CINP: variants seen among roughly 807,000 people sequenced by gnomAD.
CINP encodes the protein cyclin dependent kinase 2 interacting protein.
Under a neutral mutation model 20.5 loss-of-function variants are expected in CINP, and 11 were observed. The observed-to-expected ratio is 0.54, with a 90% CI of 0.34 to 0.89. CINP has a LOEUF of 0.89. Ranked by LOEUF, CINP falls within the 40% of genes least tolerant of loss-of-function variation. The pLI, the probability that CINP is intolerant of heterozygous loss-of-function variation, is 0.02. For synonymous variants in CINP, 108 were observed against 102.1 expected, an observed-to-expected ratio of 1.06 and a Z score of -0.35; for missense variants, 213 against 251.0, an observed-to-expected ratio of 0.85 and a Z score of 1.02.
intron 2 of CINP, 94 bp from the exon 3 acceptor site, chr14:102,355,991 G>C (rs1886991480): frequency 7.8e-7 from 1 of 1,288,568 alleles, no homozygotes; most frequent in Non-Finnish European, 1.1e-6. Flanking sequence ...TATCCACATA[G>C]TTACGTGGGA....
rs1887083606 is a variant in CINP, at chr14:102,359,471, C to T, written c.124G>A (p.Asp42Asn). Reference protein sequence around the residue: ...NLILKWETLNDAGFTTANNIA... With the variant: ...NLILKWETLNNAGFTTANNIA... ...TTATTTGCAGTGGTAAAACCTGCATCATTGAGGGTTTCCCACTTCAGGATT... is the reference window on the plus strand; with the variant it reads ...TTATTTGCAGTGGTAAAACCTGCATTATTGAGGGTTTCCCACTTCAGGATT... Residue 42 changes from aspartate (D) to asparagine (N), a missense_variant, in exon 2 of 5, where the codon GAT (aspartate) becomes AAT (asparagine). Coordinates refer to ENST00000216756, the MANE Select transcript of CINP (RefSeq NM_032630.3). The T allele has an allele frequency of 6.2e-7, 1 of 1,611,696 alleles. No individual in the cohort carries two copies. Among genetic ancestry groups the T allele is most frequent in the Non-Finnish European group, 8.5e-7 (1 of 1,178,714 alleles).
chr14:102,351,689 C>A lies in CINP; in HGVS notation c.307-1641G>T, dbSNP rs548097568. ...AGTGGCAAGCACTAAATTCAGCTAA[C>A]GTTAATTTTTAAAGGACTTTACTTA... On this transcript the variant is annotated intron_variant, in intron 3 of 4. Transcript: ENST00000216756. The surrounding 1 kb of genome is among the most constrained non-coding windows in gnomAD (Gnocchi z 4.2). Among the ~76,000 whole-genome samples, 13 of 152,136 alleles carry A rather than the reference C, an allele frequency of 8.5e-5. No individual in the cohort carries two copies. Among genetic ancestry groups the A allele is most frequent in the African/African-American group, 2.9e-4 (12 of 41,412 alleles).
intron 1 of CINP, chr14:102,362,513 G>C: frequency 4.3e-6 from 3 of 700,490 alleles, no homozygotes; most frequent in Non-Finnish European, 2.6e-6. Flanking sequence ...GACGAGATGA[G>C]CATGCAAGGC....
At chr14:102,359,324 T>C in intron 2 of CINP, 95 bp downstream of exon 2, 1 of 914,992 alleles carries the variant, frequency 1.1e-6, no homozygotes. Flanking sequence ...CACTTGCTTT[T>C]TTTGCTTAAT....
At position 102,348,678 on chromosome 14, in the gene CINP, G is replaced by A; in HGVS notation, c.518C>T (p.Thr173Ile). ...GCTCAGGGTGAGGTCGGGATCCCCG[G>A]TGTGGGCAAGCTCCTTGGCCACCGT... The part of the protein sequence containing the change: ...KRTVAKELAH[T>I]GDPDLTLSYL... The change falls in exon 5 of 5, where the codon ACC (threonine) becomes ATC (isoleucine). Residue 173 changes from threonine to isoleucine, a missense_variant. Transcript: ENST00000216756. 1 of 1,614,046 alleles carries A rather than the reference G, an allele frequency of 6.2e-7. No individual in the cohort carries two copies. The highest frequency in any genetic ancestry group is 8.5e-7 in the Non-Finnish European group (1 of 1,179,964).
chr14:102,362,587 G>A (rs1237014219), intron 1 of CINP: 1 of 706,216 alleles, frequency 1.4e-6, no homozygotes, highest in East Asian at 2.7e-5. Context: ...TTGGATGTCG[G>A]ATCTGCTGAC....
At position 102,348,743 on chromosome 14, in the gene CINP, C is replaced by T; in HGVS notation, c.453G>A (p.Lys151=). ...PTTHFYEVSH[K]LLEMYRKELL... is the part of the protein sequence containing the mutation. ...GCTCCTTCCTGTACATCTCCAAGAG[C>T]TTATGCGAAACCTCATCTGAAAGAA... The change falls in exon 5 of 5, where the codon AAG becomes AAA. Residue 151 remains lysine (K), a synonymous_variant. Coordinates refer to ENST00000216756, the MANE Select transcript of CINP (RefSeq NM_032630.3). The T allele has an allele frequency of 6.2e-7, 1 of 1,613,578 alleles. No individual in the cohort carries two copies. The highest frequency in any genetic ancestry group is 8.5e-7 in the Non-Finnish European group (1 of 1,179,768).
At chr14:102,359,240 A>ATATATATATATATATATATG (rs1304503121) in intron 2 of CINP, among the ~76,000 whole-genome samples, 179 bp downstream of exon 2, 5 of 145,966 alleles carry the variant, frequency 3.4e-5, no homozygotes. Context: ...ATATATATAT[A>ATATATATATATATATATATG]TATATATATA....
At chr14:102,357,554 T>C (rs1054829984) in intron 2 of CINP, among the ~76,000 whole-genome samples, 4 of 152,114 alleles carry the variant, frequency 2.6e-5, no homozygotes, top group African/African-American at 9.7e-5. Flanking sequence ...TGGAGAAAGT[T>C]TGAGTGGTCT....
intron 3 of CINP, chr14:102,352,382 G>A (rs1886887445): frequency 2.5e-6 from 1 of 392,484 alleles, no homozygotes; most frequent in Non-Finnish European, 5.1e-6. Context: ...GGCACGTGCA[G>A]CCCTGAATGA....
At chr14:102,352,079 G>A (rs950733998) in intron 3 of CINP, among the ~76,000 whole-genome samples, 2 of 152,100 alleles carry the variant, frequency 1.3e-5, no homozygotes, top group Non-Finnish European at 2.9e-5. Context: ...GCAGAGCTGG[G>A]GTTTCACTGT....
intron 1 of CINP, among the ~76,000 whole-genome samples, chr14:102,361,473 A>T (rs1378503069): frequency 6.6e-6 from 1 of 151,628 alleles, no homozygotes; most frequent in Non-Finnish European, 1.5e-5. Context: ...CCTCATCTCT[A>T]CTAAAAAAAT....
In CINP at chr14:102,359,626, A is replaced by C. The variant is rs1282085501; in HGVS notation, c.8-39T>G. On this transcript the variant is annotated intron_variant, in intron 1 of 4. Coordinates refer to ENST00000216756, the MANE Select transcript of CINP (RefSeq NM_032630.3). Reference sequence around the variant, plus strand: ...AAAGAAACAAAATTATTATCATGGAATATACAATCATAGTTGGAGGGCAAA... The same window carrying C: ...AAAGAAACAAAATTATTATCATGGACTATACAATCATAGTTGGAGGGCAAA... The C allele has an allele frequency of 3.4e-6, 5 of 1,488,806 alleles. No individual in the cohort carries two copies. The African/African-American group carries it at 7.0e-5, about 21-fold the overall frequency. The allele number at this position is 1,488,806 out of a possible 1,614,324, so 92.2% of individuals were successfully genotyped here.
intron 3 of CINP, chr14:102,352,390 T>C: frequency 4.9e-6 from 2 of 406,234 alleles, no homozygotes; most frequent in South Asian, 3.5e-5. Context: ...CAGCCCTGAA[T>C]GAACAGTGCA....
intron 3 of CINP, among the ~76,000 whole-genome samples, chr14:102,354,763 A>G (rs1305386939): frequency 6.6e-6 from 1 of 151,616 alleles, no homozygotes; most frequent in Non-Finnish European, 1.5e-5. Flanking sequence ...CCTGTCTCAA[A>G]AAAAACAAAA....
rs1886984915 is a variant in CINP, at chr14:102,355,789, C to T, written c.285G>A (p.Leu95=). The change falls in exon 3 of 5, where the codon CTG becomes CTA. Residue 95 remains leucine (L), a synonymous_variant. Transcript: ENST00000216756. ...TTACCAACCCATCCAAGGTGGCCTG[C>T]AGTTCCTCACACAGCTTCTCCAGTT... ...NEELEKLCEE[L]QATLDGLTKI... The T allele has an allele frequency of 6.2e-7, 1 of 1,614,048 alleles. No individual in the cohort carries two copies. The highest frequency in any genetic ancestry group is 8.5e-7 in the Non-Finnish European group (1 of 1,179,940).
rs894565078 is a variant in CINP, at chr14:102,351,940, A to G, written c.307-1892T>C. Among the ~76,000 whole-genome samples the G allele has an allele frequency of 3.3e-5, 5 of 152,084 alleles. No homozygotes were observed. Among genetic ancestry groups the G allele is most frequent in the East Asian group, 3.9e-4 (2 of 5,182 alleles). On this transcript the variant is annotated intron_variant, in intron 3 of 4. Coordinates refer to ENST00000216756, the MANE Select transcript of CINP (RefSeq NM_032630.3). This position sits in a 1 kb window ranked among gnomAD's most constrained non-coding sequence, Gnocchi z 4.2. ...CGCTTTGTCACCCAGGCTGGAGTGC[A>G]GTGGCGCGATCTCCGCTCACTGCAA...
In CINP at chr14:102,350,067, G is replaced by C. The variant is rs1408619826; in HGVS notation, c.307-19C>G. The C allele has an allele frequency of 6.3e-7, 1 of 1,596,830 alleles. No homozygotes were observed. The highest frequency in any genetic ancestry group is 8.6e-7 in the Non-Finnish European group (1 of 1,168,592). On this transcript the variant is annotated intron_variant, in intron 3 of 4. Transcript: ENST00000216756. ...TTTTGGTCTGAAAGATATCCATTTGGAATATGATAATATTATTTGAAATCT... is the reference window on the plus strand; with the variant it reads ...TTTTGGTCTGAAAGATATCCATTTGCAATATGATAATATTATTTGAAATCT...
rs753382808 is a variant in CINP, at chr14:102,359,446, T to A, written c.149A>T (p.Asn50Ile). 11 of 1,600,906 alleles carry A rather than the reference T, an allele frequency of 6.9e-6. No individual in the cohort carries two copies. In the South Asian group the frequency reaches 1.2e-4, roughly 18 times the overall value. Residue 50 changes from asparagine to isoleucine, a missense_variant, in exon 2 of 5, where the codon AAT becomes ATT. By Grantham distance (149) the Asn-to-Ile change is moderately radical (BLOSUM62 -3). Coordinates refer to ENST00000216756, the MANE Select transcript of CINP (RefSeq NM_032630.3). ...LNDAGFTTAN[N>I]IANLKISLLN... is the part of the protein sequence containing the mutation. ...TAAACTGATTTTCAAGTTGGCAATATTATTTGCAGTGGTAAAACCTGCATC... is the reference window on the plus strand; with the variant it reads ...TAAACTGATTTTCAAGTTGGCAATAATATTTGCAGTGGTAAAACCTGCATC...
Sources: gnomAD v4.1 joint callset for allele counts (sites outside exome capture counted in the v4.1 genomes callset) on GRCh38, gnomAD v4.1.1 for gene constraint, Gnocchi (gnomAD v3.1) non-coding constraint, MANE v1.5 for transcripts, NCBI Gene and HGNC (gene_info 2026-07-23, HGNC 2026-07-21) for gene names.